The following RCAN2 variants were observed in gnomAD, a reference collection of about 807,000 sequenced individuals.
RCAN2 encodes the protein calcipressin-2.
In RCAN2, 9 loss-of-function variants were observed where a neutral mutation model predicts 23.6. The observed-to-expected ratio is 0.38, with a 90% CI of 0.23 to 0.67. The LOEUF (loss-of-function observed/expected upper bound fraction) is 0.67. RCAN2 is among the 30% of genes least tolerant of loss of function. The pLI is 0.51. For synonymous variants in RCAN2, 109 were observed against 115.7 expected, an observed-to-expected ratio of 0.94 and a Z score of 0.37; for missense variants, 273 against 302.3, an observed-to-expected ratio of 0.90 and a Z score of 0.72.
intron 2 of RCAN2, among the ~76,000 whole-genome samples, chr6:46,420,596 G>A (rs559510007): frequency 2.7e-5 from 4 of 149,804 alleles, no homozygotes; most frequent in African/African-American, 9.9e-5. Flanking sequence ...CCAGGCTGGA[G>A]TGCAATGGTG....
chr6:46,296,358 C>A (rs184587609), intron 2 of RCAN2, among the ~76,000 whole-genome samples: 2 of 152,126 alleles, frequency 1.3e-5, no homozygotes, highest in African/African-American at 4.8e-5. Flanking sequence ...CTTTGAGATA[C>A]TTCTTGTGAC....
chr6:46,405,868 G>C (rs1766385561), intron 2 of RCAN2, among the ~76,000 whole-genome samples: 1 of 152,196 alleles, frequency 6.6e-6, no homozygotes, highest in South Asian at 2.1e-4. Context: ...GGAGTGGGTG[G>C]GAGGCTCAGG....
At chr6:46,389,234 C>T (rs1307754089) in intron 2 of RCAN2, among the ~76,000 whole-genome samples, 1 of 152,194 alleles carries the variant, frequency 6.6e-6, no homozygotes, top group East Asian at 1.9e-4. Context: ...TCAGCTTAAT[C>T]TCCCATCACT....
At chr6:46,276,726 C>G (rs1767719312) in intron 2 of RCAN2, among the ~76,000 whole-genome samples, 1 of 152,206 alleles carries the variant, frequency 6.6e-6, no homozygotes, top group Non-Finnish European at 1.5e-5. Flanking sequence ...TTTCAACACT[C>G]AAGCATGGGA....
At chr6:46,436,164 T>C (rs1665534161) in intron 2 of RCAN2, among the ~76,000 whole-genome samples, 1 of 152,200 alleles carries the variant, frequency 6.6e-6, no homozygotes, top group Non-Finnish European at 1.5e-5. Flanking sequence ...CCAGAGTTGC[T>C]CTTTGGTGCG....
chr6:46,295,805 A>G (rs1762707060), intron 2 of RCAN2, among the ~76,000 whole-genome samples: 1 of 152,106 alleles, frequency 6.6e-6, no homozygotes, highest in Non-Finnish European at 1.5e-5. Context: ...AAAGATTCAG[A>G]GTTTGAAGAT....
intron 2 of RCAN2, among the ~76,000 whole-genome samples, chr6:46,391,313 A>G (rs1360863368): frequency 6.6e-6 from 1 of 152,216 alleles, no homozygotes; most frequent in African/African-American, 2.4e-5. Flanking sequence ...GATTGAGATC[A>G]TGAAAGCAAA....
intron 2 of RCAN2, among the ~76,000 whole-genome samples, chr6:46,283,564 A>G (rs993321945): frequency 6.6e-6 from 1 of 152,222 alleles, no homozygotes; most frequent in Non-Finnish European, 1.5e-5. Flanking sequence ...TGGCAAGGAC[A>G]AGAACTCTGA....
intron 2 of RCAN2, among the ~76,000 whole-genome samples, chr6:46,403,927 G>C (rs904140729): frequency 1.1e-4 from 17 of 152,210 alleles, no homozygotes; most frequent in African/African-American, 4.1e-4. Context: ...AGGTGTGTAA[G>C]AGGTGATTTG....
intron 1 of RCAN2, among the ~76,000 whole-genome samples, chr6:46,459,166 G>A (rs370284979): frequency 6.6e-6 from 1 of 152,194 alleles, no homozygotes; most frequent in Non-Finnish European, 1.5e-5. Context: ...CCAAAGCGTT[G>A]GGATTTCAGG....
At chr6:46,273,860 TC>T (rs201629417) in intron 2 of RCAN2, among the ~76,000 whole-genome samples, 279 of 149,502 alleles carry the variant, frequency 1.9e-3, no homozygotes, top group Non-Finnish European at 2.1e-3. Flanking sequence ...TGTGGCAGAT[TC>T]TTTTTTTTTT....
At chr6:46,247,515 C>T (rs187730544) in intron 3 of RCAN2, among the ~76,000 whole-genome samples, 68 of 152,308 alleles carry the variant, frequency 4.5e-4, no homozygotes, top group African/African-American at 1.5e-3. Context: ...TTCCTGTCTC[C>T]CACTGGTCAC....
At chr6:46,398,729 A>G (rs1766159851) in intron 2 of RCAN2, among the ~76,000 whole-genome samples, 1 of 152,174 alleles carries the variant, frequency 6.6e-6, no homozygotes, top group South Asian at 2.1e-4. Context: ...AAAGTAGTGA[A>G]TACCAGACAT....
In RCAN2 at chr6:46,313,903, G is replaced by T. The variant is rs180986599; in HGVS notation, c.226-65007C>A. On this transcript the variant is annotated intron_variant, in intron 2 of 4. Coordinates refer to ENST00000371374, the MANE Select transcript of RCAN2 (RefSeq NM_001251974.2). The stretch of plus-strand genomic sequence containing the variant: ...TACTATTTTGCTAAGCACTACAAAT[G>T]GAGTACTTCATTATACAGTGAGAAT... Among the ~76,000 whole-genome samples, 6 of 152,288 alleles carry T rather than the reference G, an allele frequency of 3.9e-5. No homozygotes were observed. In the East Asian group the frequency reaches 1.2e-3, roughly 29 times the overall value.
intron 2 of RCAN2, among the ~76,000 whole-genome samples, chr6:46,424,043 T>C (rs886079888): frequency 2.0e-5 from 3 of 152,148 alleles, no homozygotes; most frequent in African/African-American, 7.2e-5. Context: ...TGTACCACCA[T>C]CCCAGCAGCC....
At chr6:46,307,801 T>C (rs1763118426) in intron 2 of RCAN2, among the ~76,000 whole-genome samples, 2 of 152,162 alleles carry the variant, frequency 1.3e-5, no homozygotes, top group Admixed American at 1.3e-4. Flanking sequence ...GGGTTTGAAT[T>C]ACCACCTCTT....
intron 2 of RCAN2, among the ~76,000 whole-genome samples, chr6:46,323,609 C>G (rs1439598703): frequency 6.6e-6 from 1 of 152,226 alleles, no homozygotes; most frequent in Non-Finnish European, 1.5e-5. Flanking sequence ...ACTCACTAGA[C>G]TGCAAAATGC....
At chr6:46,301,580 T>C (rs1196430836) in intron 2 of RCAN2, among the ~76,000 whole-genome samples, 1 of 152,126 alleles carries the variant, frequency 6.6e-6, no homozygotes, top group East Asian at 1.9e-4. Context: ...TTGTTCCTTG[T>C]AGGCTTACAC....
intron 2 of RCAN2, among the ~76,000 whole-genome samples, chr6:46,288,710 T>C (rs1406091942): frequency 6.6e-6 from 1 of 152,266 alleles, no homozygotes; most frequent in Admixed American, 6.5e-5. Flanking sequence ...ACTTTTGGCC[T>C]AGGAAGGCAA....
Sources: allele counts gnomAD v4.1 joint callset (sites outside exome capture counted in the v4.1 genomes callset), GRCh38; gene constraint gnomAD v4.1.1; transcripts MANE v1.5; gene names NCBI Gene and HGNC (gene_info 2026-07-23, HGNC 2026-07-21).